The following RNF180 variants were observed in gnomAD, a reference collection of about 807,000 sequenced individuals.
RNF180 encodes the protein E3 ubiquitin-protein ligase RNF180.
A neutral mutation model predicts 59.2 loss-of-function variants in RNF180; 38 were observed. The observed-to-expected ratio is 0.64, with a 90% CI of 0.50 to 0.84. The LOEUF is 0.84. Among genes scored for constraint, RNF180 ranks in the 40% least tolerant of loss-of-function variants. The pLI is 0.00. For synonymous variants in RNF180, 262 were observed against 240.3 expected (o/e 1.09, Z -0.84); for missense variants, 705 against 700.9 (o/e 1.01, Z -0.07).
rs570730720 is a variant in RNF180 at position 64,328,510 on chromosome 5, G to A, written c.1454-1771G>A. Among the ~76,000 whole-genome samples the A allele has an allele frequency of 8.5e-5, 13 of 152,280 alleles. No homozygotes were observed. The South Asian group carries it at 2.7e-3, about 32-fold the overall frequency. On this transcript the variant is annotated intron_variant, in intron 6 of 7. Coordinates refer to ENST00000389100, the MANE Select transcript of RNF180 (RefSeq NM_001113561.2). Reference sequence around the variant, plus strand: ...ATGATTAACTTTTAAACATATGAAGGATTTTTAAATGCACTGTAGTCATAT... The same window carrying A: ...ATGATTAACTTTTAAACATATGAAGAATTTTTAAATGCACTGTAGTCATAT...
intron 5 of RNF180, among the ~76,000 whole-genome samples, chr5:64,272,706 G>C (rs1197415741): frequency 1.3e-5 from 2 of 152,042 alleles, no homozygotes; most frequent in African/African-American, 4.8e-5. Flanking sequence ...TATAAACGTA[G>C]AAAGACAGGA....
intron 2 of RNF180, among the ~76,000 whole-genome samples, chr5:64,205,253 G>A (rs1292165464): frequency 1.3e-5 from 2 of 152,140 alleles, no homozygotes; most frequent in Non-Finnish European, 2.9e-5. Flanking sequence ...AATTGTAAGG[G>A]AAACTGGGAT....
intron 5 of RNF180, among the ~76,000 whole-genome samples, chr5:64,315,996 A>T (rs904388805): frequency 1.3e-5 from 2 of 152,178 alleles, no homozygotes; most frequent in African/African-American, 4.8e-5. Context: ...GGCACTAGCA[A>T]TTTAACCCAC....
chr5:64,345,455 AC>A (rs1745517444), intron 7 of RNF180, among the ~76,000 whole-genome samples: 1 of 152,220 alleles, frequency 6.6e-6, no homozygotes, highest in South Asian at 2.1e-4. Flanking sequence ...ATCAGGAAAT[AC>A]CATAATAACC....
At chr5:64,248,637 A>T (rs544032962) in intron 5 of RNF180, among the ~76,000 whole-genome samples, 1 of 152,300 alleles carries the variant, frequency 6.6e-6, no homozygotes, top group South Asian at 2.1e-4. Flanking sequence ...GAGAAATAGG[A>T]ATGCCTTTAC....
chr5:64,339,643 G>GA (rs948738313), intron 7 of RNF180, among the ~76,000 whole-genome samples: 2 of 150,672 alleles, frequency 1.3e-5, no homozygotes, highest in Non-Finnish European at 3.0e-5. Context: ...GATCTTATGG[G>GA]AAAAAAATAG....
chr5:64,239,030 T>A (rs536151911), intron 5 of RNF180, among the ~76,000 whole-genome samples: 16 of 152,322 alleles, frequency 1.1e-4, no homozygotes, highest in African/African-American at 3.8e-4. Context: ...TGATGATTCA[T>A]GCTTTATGGG....
At chr5:64,240,763 C>T (rs2112235074) in intron 5 of RNF180, among the ~76,000 whole-genome samples, 1 of 152,338 alleles carries the variant, frequency 6.6e-6, no homozygotes, top group East Asian at 1.9e-4. Context: ...GAGGTATCCA[C>T]ATAAGTCCCT....
chr5:64,168,909 A>G (rs1343782695), intron 1 of RNF180, among the ~76,000 whole-genome samples: 1 of 152,244 alleles, frequency 6.6e-6, no homozygotes, highest in Non-Finnish European at 1.5e-5. Context: ...TCCATAAAAT[A>G]GAATGCCATG....
chr5:64,245,667 G>A (rs975261923), intron 5 of RNF180, among the ~76,000 whole-genome samples: 3 of 152,068 alleles, frequency 2.0e-5, no homozygotes, highest in Non-Finnish European at 2.9e-5. Context: ...CAATACTAGA[G>A]GGAGACTTTA....
chr5:64,255,707 A>G (rs1219611937), intron 5 of RNF180, among the ~76,000 whole-genome samples: 1 of 152,228 alleles, frequency 6.6e-6, no homozygotes, highest in East Asian at 1.9e-4. Flanking sequence ...TCCTTTGGGT[A>G]TATACCCAGT....
chr5:64,227,427 G>A (rs530289527), intron 5 of RNF180, among the ~76,000 whole-genome samples: 18 of 152,272 alleles, frequency 1.2e-4, no homozygotes, highest in South Asian at 4.1e-4. Context: ...TCCTGGTCCC[G>A]AACAAAGGGT....
intron 7 of RNF180, among the ~76,000 whole-genome samples, chr5:64,342,940 T>C (rs1580282724): frequency 6.6e-6 from 1 of 152,260 alleles, no homozygotes; most frequent in East Asian, 1.9e-4. Flanking sequence ...ATAATGAAAG[T>C]ACAACCTAAC....
intron 5 of RNF180, among the ~76,000 whole-genome samples, chr5:64,298,334 G>A (rs1742996290): frequency 6.6e-6 from 1 of 151,918 alleles, no homozygotes; most frequent in Admixed American, 6.6e-5. Flanking sequence ...GTCCAGGTTG[G>A]CATTGCCTAG....
intron 5 of RNF180, among the ~76,000 whole-genome samples, chr5:64,291,193 A>G (rs1231152530): frequency 6.6e-6 from 1 of 152,058 alleles, no homozygotes; most frequent in Admixed American, 6.6e-5. Context: ...TTTCCACTGA[A>G]GGGTCTGCTG....
At chr5:64,188,903 T>A (rs938429754) in intron 1 of RNF180, among the ~76,000 whole-genome samples, 1 of 152,294 alleles carries the variant, frequency 6.6e-6, no homozygotes, top group South Asian at 2.1e-4. Context: ...ACTCCCAATG[T>A]GACTATATTT....
chr5:64,359,907 T>C (rs367750086), intron 7 of RNF180, among the ~76,000 whole-genome samples: 5 of 151,914 alleles, frequency 3.3e-5, no homozygotes, highest in Non-Finnish European at 1.5e-5. Flanking sequence ...TTTCCCCATT[T>C]CTTGTTTTTC....
intron 1 of RNF180, among the ~76,000 whole-genome samples, chr5:64,176,232 AGTTT>A (rs1228545304): frequency 2.0e-5 from 3 of 151,944 alleles, no homozygotes; most frequent in Admixed American, 6.6e-5. Context: ...GGAATTTGTC[AGTTT>A]GTTTTCAGTT....
chr5:64,254,098 CAG>C (rs749945597), intron 5 of RNF180, among the ~76,000 whole-genome samples: 12 of 152,186 alleles, frequency 7.9e-5, no homozygotes, highest in Admixed American at 1.3e-4. Flanking sequence ...CTCTGATAAA[CAG>C]AAATTATTTA....
Sources: gnomAD v4.1 joint callset for allele counts (sites outside exome capture counted in the v4.1 genomes callset) on GRCh38, gnomAD v4.1.1 for gene constraint, MANE v1.5 for transcripts, NCBI Gene and HGNC (gene_info 2026-07-23, HGNC 2026-07-21) for gene names.